Variants in RB1 observed in about 807,000 individuals in gnomAD.
RB1 encodes the protein retinoblastoma-associated protein.
RB1 carries 18 observed loss-of-function variants against 135.4 expected under a neutral mutation model. That is an observed-to-expected ratio of 0.13 (90% CI 0.09 to 0.20). The LOEUF (loss-of-function observed/expected upper bound fraction) is 0.20, where lower values mean the gene tolerates loss of function less well. Among genes scored for constraint, RB1 ranks in the 10% least tolerant of loss-of-function variants. The pLI, the probability that RB1 is intolerant of heterozygous loss-of-function variation, is 1.00. For synonymous variants in RB1, 365 were observed against 373.2 expected, an observed-to-expected ratio of 0.98 and a Z score of 0.25; for missense variants, 868 against 1,110.0, an observed-to-expected ratio of 0.78 and a Z score of 3.10.
At chr13:48,412,959 A>T (rs1406427016) in intron 17 of RB1, 1 of 169,398 alleles carries the variant, frequency 5.9e-6, no homozygotes, top group African/African-American at 2.4e-5. Context: ...TTTTAAATGA[A>T]GTTTTCCTTT....
At chr13:48,472,855 G>A (rs1160513012) in intron 23 of RB1, among the ~76,000 whole-genome samples, 1 of 151,986 alleles carries the variant, frequency 6.6e-6, no homozygotes, top group Non-Finnish European at 1.5e-5. Context: ...TTATTATAAA[G>A]AACATAAATT....
intron 17 of RB1, chr13:48,422,814 G>T (rs970600151): frequency 2.6e-5 from 4 of 151,810 alleles, no homozygotes; most frequent in African/African-American, 9.7e-5. Context: ...AAAAAGGAAA[G>T]AATATAGCCT....
At chr13:48,447,694 C>T (rs905063898) in intron 17 of RB1, among the ~76,000 whole-genome samples, 3 of 152,078 alleles carry the variant, frequency 2.0e-5, no homozygotes, top group Non-Finnish European at 4.4e-5. Flanking sequence ...AGGATTTGAA[C>T]CCATGTACTG....
chr13:48,405,389 A>C (rs145147278), intron 17 of RB1, among the ~76,000 whole-genome samples: 1 of 152,326 alleles, frequency 6.6e-6, no homozygotes, highest in African/African-American at 2.4e-5. Context: ...AAGAATTTTA[A>C]GATTCATTCT....
intron 17 of RB1, among the ~76,000 whole-genome samples, chr13:48,434,758 C>G (rs991300306): frequency 6.6e-6 from 1 of 152,204 alleles, no homozygotes; most frequent in Admixed American, 6.5e-5. Flanking sequence ...AACACCTGGC[C>G]ACTGCTAATC....
rs367794719 is a variant in RB1 at position 48,367,653 on chromosome 13, C to A, written c.1049+50C>A. The A allele has an allele frequency of 2.5e-6, 4 of 1,574,288 alleles. No individual in the cohort carries two copies. In the African/African-American group the frequency reaches 5.4e-5, roughly 21 times the overall value. On this transcript the variant is annotated intron_variant, in intron 10 of 26. Transcript: ENST00000267163. ...GATTTGCTTTAGATATAGGTTGATA[C>A]TGATATAGGTAGATTATATAGTCTT...
Position 48,474,474 on chromosome 13 carries a change from A to G in RB1, c.2520+1084A>G, listed in dbSNP as rs148818035. Among the ~76,000 whole-genome samples, 663 of 152,306 alleles carry G rather than the reference A, an allele frequency of 4.4e-3. 6 individuals carry two copies. Among genetic ancestry groups the G allele is most frequent in the African/African-American group, 0.015 (644 of 41,564 alleles). ...TTTCAATGATACCATGTATGTATGT[A>G]CATAACCTCACAGGAATCTTTATAA... On this transcript the variant is annotated intron_variant, in intron 24 of 26. Transcript: ENST00000267163.
intron 17 of RB1, among the ~76,000 whole-genome samples, chr13:48,439,343 A>C (rs1949214453): frequency 6.6e-6 from 1 of 152,250 alleles, no homozygotes; most frequent in Non-Finnish European, 1.5e-5. Flanking sequence ...TTATTAAATT[A>C]AGATAATCAT....
intron 9 of RB1, 77 bp from the exon 10 acceptor site, chr13:48,367,417 A>G: frequency 6.7e-7 from 1 of 1,499,244 alleles, no homozygotes; most frequent in South Asian, 1.2e-5. Flanking sequence ...AAATTCTTTA[A>G]TGAAATCTGT....
chr13:48,407,988 C>T (rs1010452180), intron 17 of RB1, among the ~76,000 whole-genome samples: 1 of 151,996 alleles, frequency 6.6e-6, no homozygotes, highest in Non-Finnish European at 1.5e-5. Flanking sequence ...CTTGGTTCAT[C>T]AGGTGTCCAA....
intron 17 of RB1, among the ~76,000 whole-genome samples, chr13:48,384,626 T>C (rs980404627): frequency 6.6e-6 from 1 of 152,154 alleles, no homozygotes; most frequent in African/African-American, 2.4e-5. Context: ...AACTGTAGAT[T>C]GATAGGAACA....
At chr13:48,451,320 A>G (rs1949325739) in intron 17 of RB1, among the ~76,000 whole-genome samples, 1 of 152,128 alleles carries the variant, frequency 6.6e-6, no homozygotes, top group Non-Finnish European at 1.5e-5. Context: ...TAGTTTGTTC[A>G]GAGTTTTTAA....
At chr13:48,377,114 T>C (rs1952834484) in intron 13 of RB1, 80 bp downstream of exon 13, 5 of 1,379,400 alleles carry the variant, frequency 3.6e-6, no homozygotes, top group South Asian at 2.3e-5. Flanking sequence ...GTATAAATAC[T>C]CTAACAGTAT....
At chr13:48,363,504 A>G (rs1332925090) in intron 8 of RB1, among the ~76,000 whole-genome samples, 1 of 152,156 alleles carries the variant, frequency 6.6e-6, no homozygotes, top group Non-Finnish European at 1.5e-5. Context: ...TTACAGTGAG[A>G]CATGATTGCA....
In RB1 at chr13:48,357,631, A is replaced by AG. The variant is rs1952604473; in HGVS notation, c.608-2382dup. Among the ~76,000 whole-genome samples, 3 of 151,910 alleles carry AG rather than the reference A, an allele frequency of 2.0e-5. No homozygotes were observed. The South Asian group carries it at 6.2e-4, about 31-fold the overall frequency. On this transcript the variant is annotated intron_variant, in intron 6 of 26. Coordinates refer to ENST00000267163, the MANE Select transcript of RB1 (RefSeq NM_000321.3). ...AGATTAGCATCAGGTCTCTACAGGG[A>AG]GGGGTACACTTAGTGATGTGATGGC...
chr13:48,463,574 A>C (rs1949418466), intron 20 of RB1, among the ~76,000 whole-genome samples, 157 bp from the exon 21 acceptor site: 1 of 152,204 alleles, frequency 6.6e-6, no homozygotes, highest in Non-Finnish European at 1.5e-5. Context: ...TGGGTTAAAC[A>C]CTTCATGTAG....
chr13:48,364,459 A>T (rs187337533), intron 8 of RB1, among the ~76,000 whole-genome samples: 8 of 152,276 alleles, frequency 5.3e-5, no homozygotes. Context: ...TCTTTTCTCT[A>T]TCTTTATCAT....
intron 2 of RB1, among the ~76,000 whole-genome samples, chr13:48,340,205 A>G (rs1205459436): frequency 2.0e-5 from 3 of 152,192 alleles, no homozygotes; most frequent in Non-Finnish European, 4.4e-5. Flanking sequence ...GAAAGTCTTA[A>G]TGAGCTTGGG....
intron 2 of RB1, 67 bp from the exon 3 acceptor site, chr13:48,342,532 G>A: frequency 2.0e-6 from 2 of 998,320 alleles, no homozygotes; most frequent in Admixed American, 1.7e-5. Flanking sequence ...TTATAATACA[G>A]TTTTAACATA....
Sources: gnomAD v4.1 joint callset for allele counts (sites outside exome capture counted in the v4.1 genomes callset) on GRCh38, gnomAD v4.1.1 for gene constraint, MANE v1.5 for transcripts, NCBI Gene and HGNC (gene_info 2026-07-23, HGNC 2026-07-21) for gene names.